The following PACSIN2 variants were observed in gnomAD, a reference collection of about 807,000 sequenced individuals.
PACSIN2 encodes the protein protein kinase C and casein kinase substrate in neurons 2, also known as protein kinase C and casein kinase substrate in neurons protein 2.
PACSIN2 carries 25 observed loss-of-function variants against 63.8 expected under a neutral mutation model. The observed-to-expected ratio is 0.39, with a 90% confidence interval of 0.29 to 0.55. The LOEUF is 0.55. PACSIN2 is among the 20% of genes least tolerant of loss of function. The probability of loss-of-function intolerance (pLI) is 0.62; values close to 1 mark genes in which losing one functional copy is unlikely to be tolerated. For missense variants in PACSIN2, 518 were observed against 646.9 expected (o/e 0.80, Z 2.16); for synonymous variants, 255 against 256.2 (o/e 1.00, Z 0.05).
At chr22:42,875,507 C>G (rs901308371) in intron 10 of PACSIN2, among the ~76,000 whole-genome samples, 2 of 151,814 alleles carry the variant, frequency 1.3e-5, no homozygotes, top group African/African-American at 4.8e-5. Flanking sequence ...AGAGCTGGGA[C>G]TACAGGCATG....
At chr22:42,971,600 G>A (rs530189109) in intron 1 of PACSIN2, among the ~76,000 whole-genome samples, 1 of 151,802 alleles carries the variant, frequency 6.6e-6, no homozygotes, top group African/African-American at 2.4e-5. Context: ...GGGAAGTGAG[G>A]AGTGTCTCTG....
intron 1 of PACSIN2, among the ~76,000 whole-genome samples, chr22:42,934,977 G>A (rs533613446): frequency 1.7e-4 from 25 of 151,322 alleles, no homozygotes; most frequent in Non-Finnish European, 3.4e-4. Flanking sequence ...GTGCAGTGGC[G>A]CAATCTCGGC....
At chr22:43,009,234 C>T (rs532053757) in intron 1 of PACSIN2, among the ~76,000 whole-genome samples, 3 of 152,206 alleles carry the variant, frequency 2.0e-5, no homozygotes, top group East Asian at 3.8e-4. Context: ...GCTCCATCAA[C>T]GTGCTGACCA....
intron 1 of PACSIN2, among the ~76,000 whole-genome samples, chr22:43,014,321 TACACACACACAC>T (rs139728514): frequency 0.015 from 1,907 of 130,536 alleles, 29 homozygotes; most frequent in Non-Finnish European, 0.024. Flanking sequence ...CCCCCCGCCC[TACACACACACAC>T]ACACACACAC....
chr22:42,993,305 C>CAGAGGGACCCCAAGTGGCA (rs1923176283), intron 1 of PACSIN2, among the ~76,000 whole-genome samples: 1 of 152,148 alleles, frequency 6.6e-6, no homozygotes, highest in African/African-American at 2.4e-5. Flanking sequence ...GAAGTGGGGG[C>CAGAGGGACCCCAAGTGGCA]AGAGGGACCC....
rs1555943703 is a variant in PACSIN2 at position 42,982,888 on chromosome 22, AAACAAC to A, written c.-78+32127_-78+32132del. On this transcript the variant is annotated intron_variant, in intron 1 of 10. Transcript: ENST00000263246. ...GATCAATAAAAAAAAAAAAAAAAAA[AAACAAC>A]AACAAGGCTAGGAGCAGTGGCTCAC... is the stretch of plus-strand genomic sequence containing the variant. Among the ~76,000 whole-genome samples, 53 of 105,222 alleles carry A rather than the reference AAACAAC, an allele frequency of 5.0e-4. 1 individual carries two copies. Among genetic ancestry groups the A allele is most frequent in the Admixed American group, 1.4e-3 (12 of 8,872 alleles). 69.0% of individuals were successfully genotyped at this position (105,222 alleles called of 152,430 possible).
At chr22:42,904,719 C>G (rs571171282) in intron 2 of PACSIN2, among the ~76,000 whole-genome samples, 5 of 47,704 alleles carry the variant, frequency 1.0e-4, no homozygotes, top group South Asian at 5.8e-4. Context: ...CTTCCACAGC[C>G]CCCCCATACT....
intron 1 of PACSIN2, among the ~76,000 whole-genome samples, chr22:42,982,032 C>T (rs1424412471): frequency 6.5e-4 from 67 of 102,538 alleles, no homozygotes; most frequent in African/African-American, 1.7e-3. Context: ...CCGGCCGCCC[C>T]GTCCGGGAGG....
intron 1 of PACSIN2, among the ~76,000 whole-genome samples, chr22:42,988,473 A>G (rs912142410): frequency 1.3e-5 from 2 of 152,236 alleles, no homozygotes; most frequent in Non-Finnish European, 2.9e-5. Context: ...AAAGAAAAAA[A>G]TACATTATGC....
At chr22:42,990,067 T>C (rs1347368550) in intron 1 of PACSIN2, among the ~76,000 whole-genome samples, 5 of 121,842 alleles carry the variant, frequency 4.1e-5, no homozygotes, top group African/African-American at 9.6e-5. Flanking sequence ...CACATATGTG[T>C]GTATATATAT....
At chr22:43,010,398 A>ATATATATATATATATATATATATT in intron 1 of PACSIN2, among the ~76,000 whole-genome samples, 29 of 126,402 alleles carry the variant, frequency 2.3e-4, no homozygotes, top group South Asian at 5.4e-4. Flanking sequence ...ATATATATAT[A>ATATATATATATATATATATATATT]TTTTTTTTTA....
At chr22:42,911,230 A>G (rs1338964662) in intron 2 of PACSIN2, among the ~76,000 whole-genome samples, 1 of 151,916 alleles carries the variant, frequency 6.6e-6, no homozygotes, top group East Asian at 1.9e-4. Flanking sequence ...CATGAAGGCC[A>G]AGAAAGCTCC....
chr22:43,012,653 A>ATT (rs888300681), intron 1 of PACSIN2, among the ~76,000 whole-genome samples: 2 of 141,552 alleles, frequency 1.4e-5, no homozygotes, highest in Non-Finnish European at 1.6e-5. Flanking sequence ...CGCCAGACTA[A>ATT]TTTTTTTTTT....
At chr22:42,903,383 C>T (rs1250230724) in intron 2 of PACSIN2, among the ~76,000 whole-genome samples, 4 of 152,204 alleles carry the variant, frequency 2.6e-5, no homozygotes, top group Admixed American at 6.5e-5. Flanking sequence ...CCTTTCCAAA[C>T]GGGGATGACT....
chr22:42,903,942 G>A (rs1930880692), intron 2 of PACSIN2, among the ~76,000 whole-genome samples: 1 of 152,118 alleles, frequency 6.6e-6, no homozygotes, highest in African/African-American at 2.4e-5. Context: ...TACCCTGAAA[G>A]CACCCCTTGC....
chr22:42,911,061 C>T (rs6002975), intron 2 of PACSIN2, among the ~76,000 whole-genome samples: 31,445 of 151,832 alleles, frequency 0.21, 5,504 homozygotes, highest in East Asian at 0.73. Flanking sequence ...CCCACCACCA[C>T]GCCCAGCTAA....
intron 1 of PACSIN2, among the ~76,000 whole-genome samples, chr22:42,973,859 A>G (rs1921499495): frequency 6.6e-6 from 1 of 152,262 alleles, no homozygotes; most frequent in South Asian, 2.1e-4. Flanking sequence ...AGAGGAAAAG[A>G]GAAAAGCCCA....
intron 1 of PACSIN2, among the ~76,000 whole-genome samples, chr22:43,004,644 G>C (rs889981071): frequency 6.6e-6 from 1 of 152,208 alleles, no homozygotes; most frequent in African/African-American, 2.4e-5. Context: ...TATAATGAAA[G>C]ACAAATGCAG....
intron 1 of PACSIN2, among the ~76,000 whole-genome samples, chr22:42,967,616 C>T (rs912119836): frequency 2.6e-5 from 4 of 152,298 alleles, no homozygotes; most frequent in African/African-American, 2.4e-5. Flanking sequence ...GGGCCGGGCG[C>T]GGTGGCTCAC....
Sources: allele counts gnomAD v4.1 joint callset (sites outside exome capture counted in the v4.1 genomes callset), GRCh38; gene constraint gnomAD v4.1.1; transcripts MANE v1.5; gene names NCBI Gene and HGNC (gene_info 2026-07-23, HGNC 2026-07-21).